Variants in CLIP2 observed in about 807,000 individuals in gnomAD.
CLIP2 encodes the protein CAP-Gly domain-containing linker protein 2.
Under a neutral mutation model 111.7 loss-of-function variants are expected in CLIP2, and 41 were observed. The observed-to-expected ratio is 0.37, with a 90% CI of 0.29 to 0.48. The LOEUF is 0.48. Ranked by LOEUF, CLIP2 falls within the 20% of genes least tolerant of loss-of-function variation. The pLI, the probability that CLIP2 is intolerant of heterozygous loss-of-function variation, is 0.99. For missense variants in CLIP2, 1,160 were observed against 1,422.1 expected, an observed-to-expected ratio of 0.82 and a Z score of 2.96; for synonymous variants, 660 against 644.2, an observed-to-expected ratio of 1.02 and a Z score of -0.37.
intron 8 of CLIP2, among the ~76,000 whole-genome samples, chr7:74,371,668 A>G (rs922121172): frequency 1.8e-4 from 24 of 130,190 alleles, no homozygotes; most frequent in Admixed American, 4.7e-4. Flanking sequence ...AGGGAAAAAG[A>G]AAGGAGGGAG....
At chr7:74,391,842 G>C (rs1319498747) in intron 13 of CLIP2, among the ~76,000 whole-genome samples, 2 of 151,654 alleles carry the variant, frequency 1.3e-5, no homozygotes, top group East Asian at 3.9e-4. Flanking sequence ...GAAAAAAAAA[G>C]GTTAATTAAT....
chr7:74,360,105 C>A, intron 6 of CLIP2, 70 bp from the exon 7 acceptor site: 1 of 1,331,598 alleles, frequency 7.5e-7, no homozygotes, highest in Non-Finnish European at 1.0e-6. Flanking sequence ...CTGTCTCCCA[C>A]CACACCACCA....
intron 13 of CLIP2, among the ~76,000 whole-genome samples, chr7:74,396,460 ATGTGTG>A (rs141831013): frequency 3.3e-5 from 5 of 151,108 alleles, no homozygotes; most frequent in East Asian, 1.9e-4. Flanking sequence ...TTTTGGGGTT[ATGTGTG>A]TGTGTGTGTG....
At chr7:74,372,556 T>A (rs923788494) in intron 8 of CLIP2, among the ~76,000 whole-genome samples, 1 of 151,672 alleles carries the variant, frequency 6.6e-6, no homozygotes, top group South Asian at 2.1e-4. Flanking sequence ...AGATCCTTGA[T>A]GAGGACCTTC....
intron 4 of CLIP2, among the ~76,000 whole-genome samples, chr7:74,356,056 T>C (rs1554308400): frequency 6.6e-6 from 1 of 152,200 alleles, no homozygotes; most frequent in Non-Finnish European, 1.5e-5. Context: ...ATTTAACCTC[T>C]CTGAGCCTAA....
chr7:74,305,810 C>T (rs1201627400), intron 1 of CLIP2, among the ~76,000 whole-genome samples: 1 of 149,790 alleles, frequency 6.7e-6, no homozygotes, highest in East Asian at 2.0e-4. Context: ...TAGGGATCTG[C>T]TTCCATCTCA....
chr7:74,313,618 C>T (rs1261836591), intron 1 of CLIP2, among the ~76,000 whole-genome samples: 1 of 151,994 alleles, frequency 6.6e-6, no homozygotes, highest in Non-Finnish European at 1.5e-5. Context: ...TGGATCTAGG[C>T]CCTCCTCGGG....
chr7:74,310,082 C>G (rs1366964103), intron 1 of CLIP2, among the ~76,000 whole-genome samples: 5 of 105,530 alleles, frequency 4.7e-5, no homozygotes, highest in Admixed American at 1.1e-4. Flanking sequence ...AAAAAAAGTT[C>G]AGCCAGGCGT....
At chr7:74,310,385 G>A (rs782239340) in intron 1 of CLIP2, among the ~76,000 whole-genome samples, 5 of 151,900 alleles carry the variant, frequency 3.3e-5, no homozygotes, top group Non-Finnish European at 7.4e-5. Flanking sequence ...AGCTGGGCAT[G>A]GTAGCACTCG....
intron 10 of CLIP2, among the ~76,000 whole-genome samples, chr7:74,378,556 ATAGT>A (rs1169118212): frequency 6.6e-6 from 1 of 152,152 alleles, no homozygotes; most frequent in Non-Finnish European, 1.5e-5. Context: ...CCTGGACAAC[ATAGT>A]TAGACCCCAT....
chr7:74,312,887 C>CCG lies in CLIP2; in HGVS notation c.-67-4593_-67-4592insCG, dbSNP rs1554728695. 3.3e-5 allele frequency among the ~76,000 whole-genome samples: 5 copies of CCG among 152,170 alleles called. No homozygotes were observed. In the East Asian group the frequency reaches 9.6e-4, roughly 29 times the overall value. Reference sequence around the variant, plus strand: ...GAAGTGATCCTTCACTCGGATGTGCCAGGACAGGTAGTAGCATTGCTGACT... The same window carrying CCG: ...GAAGTGATCCTTCACTCGGATGTGCCCGAGGACAGGTAGTAGCATTGCTGACT... On this transcript the variant is annotated intron_variant, in intron 1 of 16. Transcript: ENST00000223398.
At chr7:74,380,735 T>G in intron 10 of CLIP2, 71 bp from the exon 11 acceptor site, 1 of 1,356,852 alleles carries the variant, frequency 7.4e-7, no homozygotes, top group Non-Finnish European at 1.0e-6. Flanking sequence ...GCAGGTGTGC[T>G]TGCTGGGCTG....
At chr7:74,308,104 G>A (rs1359990974) in intron 1 of CLIP2, among the ~76,000 whole-genome samples, 2 of 152,180 alleles carry the variant, frequency 1.3e-5, no homozygotes, top group African/African-American at 4.8e-5. Context: ...TCTGTGGGCC[G>A]AAGGTCCTGA....
chr7:74,294,762 C>G (rs1788123738), intron 1 of CLIP2, among the ~76,000 whole-genome samples: 1 of 152,202 alleles, frequency 6.6e-6, no homozygotes, highest in African/African-American at 2.4e-5. Flanking sequence ...GGGAAGACAT[C>G]CGCCCTGCTT....
At chr7:74,372,802 T>C (rs887779768) in intron 8 of CLIP2, 130 bp from the exon 9 acceptor site, 4 of 656,254 alleles carry the variant, frequency 6.1e-6, no homozygotes, top group South Asian at 1.8e-5. Context: ...CTCCTCGCCT[T>C]GTTCACGGAA....
chr7:74,372,267 A>C (rs1790647734), intron 8 of CLIP2, among the ~76,000 whole-genome samples: 1 of 152,034 alleles, frequency 6.6e-6, no homozygotes, highest in African/African-American at 2.4e-5. Context: ...TGGGGTGGGC[A>C]GCAATGGGGC....
chr7:74,403,779 C>G, intron 16 of CLIP2, 58 bp from the exon 17 acceptor site: 3 of 1,599,546 alleles, frequency 1.9e-6, no homozygotes, highest in Non-Finnish European at 2.6e-6. Flanking sequence ...CCCCTCTGGC[C>G]GCCTGGCCCT....
At chr7:74,350,438 C>T (rs987374557) in intron 3 of CLIP2, among the ~76,000 whole-genome samples, 4 of 152,018 alleles carry the variant, frequency 2.6e-5, no homozygotes, top group Admixed American at 2.6e-4. Flanking sequence ...AAAGTCCTGG[C>T]CTCAAGTGAT....
In CLIP2 at chr7:74,338,593, C is replaced by T. The variant is rs1554732622; in HGVS notation, c.267C>T (p.Gly89=). The change falls in exon 3 of 17, where the codon GGC becomes GGT. Residue 89 remains glycine (G), a synonymous_variant. Transcript: ENST00000223398. The surrounding 1 kb of genome is among the most constrained non-coding windows in gnomAD (Gnocchi z 4.3). Reference sequence around the variant, plus strand: ...TGGGCGAGCGGGTGTGGGTGAACGGCGTGAAGCCAGGCGTGGTGCAGTATC... The same window carrying T: ...TGGGCGAGCGGGTGTGGGTGAACGGTGTGAAGCCAGGCGTGGTGCAGTATC... The part of the protein sequence containing the change: ...FVVGERVWVN[G]VKPGVVQYLG... The T allele has an allele frequency of 1.3e-6, 2 of 1,571,162 alleles. No homozygotes were observed. The highest frequency in any genetic ancestry group is 1.4e-5 in the African/African-American group (1 of 73,884).
Sources: allele counts gnomAD v4.1 joint callset (sites outside exome capture counted in the v4.1 genomes callset), GRCh38; gene constraint gnomAD v4.1.1; non-coding constraint Gnocchi (gnomAD v3.1); transcripts MANE v1.5; gene names NCBI Gene and HGNC (gene_info 2026-07-23, HGNC 2026-07-21).